Variants in ATP6V1H observed in about 807,000 individuals in gnomAD.
The protein encoded by ATP6V1H is ATPase H+ transporting V1 subunit H, also known as V-type proton ATPase subunit H.
ATP6V1H carries 39 observed loss-of-function variants against 71.7 expected under a neutral mutation model. The ratio of observed to expected loss-of-function variants is 0.54; its 90% CI spans 0.42 to 0.71. The LOEUF (loss-of-function observed/expected upper bound fraction) is 0.71, where lower values mean the gene tolerates loss of function less well. Ranked by LOEUF, ATP6V1H falls within the 30% of genes least tolerant of loss-of-function variation. The probability of loss-of-function intolerance (pLI) is 0.00; values close to 1 mark genes in which losing one functional copy is unlikely to be tolerated. For synonymous variants in ATP6V1H, 192 were observed against 199.3 expected (o/e 0.96, Z 0.31); for missense variants, 509 against 594.9 (o/e 0.86, Z 1.50).
chr8:53,755,915 G>T (rs1488569382), intron 12 of ATP6V1H, among the ~76,000 whole-genome samples: 4 of 133,592 alleles, frequency 3.0e-5, no homozygotes, highest in Non-Finnish European at 3.2e-5. Flanking sequence ...CCGCCACTAC[G>T]CCCGGCTAAT....
intron 9 of ATP6V1H, among the ~76,000 whole-genome samples, chr8:53,790,692 G>A (rs1809538673): frequency 6.6e-6 from 1 of 152,162 alleles, no homozygotes; most frequent in East Asian, 1.9e-4. Context: ...AGGCCTGAGT[G>A]CATACAGACT....
At chr8:53,781,555 T>C (rs897427197) in intron 9 of ATP6V1H, among the ~76,000 whole-genome samples, 1 of 152,356 alleles carries the variant, frequency 6.6e-6, no homozygotes, top group Non-Finnish European at 1.5e-5. Flanking sequence ...TTAGACACCA[T>C]TTGTCAATTT....
chr8:53,830,583 G>A (rs867290158), intron 3 of ATP6V1H, among the ~76,000 whole-genome samples: 19 of 151,946 alleles, frequency 1.3e-4, no homozygotes, highest in Admixed American at 2.6e-4. Flanking sequence ...AGTTGCCCAC[G>A]GTATTTCTGT....
chr8:53,769,789 G>T, intron 10 of ATP6V1H, 46 bp from the exon 11 acceptor site: 3 of 1,498,740 alleles, frequency 2.0e-6, no homozygotes, highest in Non-Finnish European at 2.7e-6. Context: ...GAATCTGACA[G>T]TACTCCAAAA....
intron 8 of ATP6V1H, among the ~76,000 whole-genome samples, chr8:53,798,640 CA>C: frequency 6.6e-6 from 1 of 150,664 alleles, no homozygotes; most frequent in Non-Finnish European, 1.5e-5. Flanking sequence ...CACACACACA[CA>C]AATTCAATGC....
chr8:53,772,299 ACT>A (rs1329448191), intron 9 of ATP6V1H, 132 bp from the exon 10 acceptor site: 1 of 686,912 alleles, frequency 1.5e-6, no homozygotes, highest in Non-Finnish European at 2.4e-6. Context: ...TAAGTGGATG[ACT>A]CTATCTCAAA....
intron 4 of ATP6V1H, among the ~76,000 whole-genome samples, chr8:53,828,046 T>C (rs767846394): frequency 3.9e-5 from 6 of 152,242 alleles, no homozygotes; most frequent in Admixed American, 6.5e-5. Context: ...TCTTTGCTAA[T>C]GTGAATGGCG....
intron 5 of ATP6V1H, among the ~76,000 whole-genome samples, 187 bp from the exon 6 acceptor site, chr8:53,814,953 A>G (rs1393688791): frequency 6.6e-6 from 1 of 152,224 alleles, no homozygotes; most frequent in Non-Finnish European, 1.5e-5. Context: ...ATATTTTTAA[A>G]TATTTCCATC....
At chr8:53,807,459 T>C (rs781392319) in intron 7 of ATP6V1H, among the ~76,000 whole-genome samples, 4 of 151,648 alleles carry the variant, frequency 2.6e-5, no homozygotes, top group Non-Finnish European at 5.9e-5. Context: ...AAAAACTAAG[T>C]CCTTTTTCCT....
chr8:53,726,794 T>C (rs1161769665), intron 13 of ATP6V1H, among the ~76,000 whole-genome samples: 2 of 152,162 alleles, frequency 1.3e-5, no homozygotes, highest in Non-Finnish European at 2.9e-5. Flanking sequence ...CTCCGCTCCC[T>C]CCTGCTATCT....
chr8:53,749,558 A>C (rs1807723169), intron 12 of ATP6V1H, among the ~76,000 whole-genome samples: 1 of 152,080 alleles, frequency 6.6e-6, no homozygotes, highest in Admixed American at 6.5e-5. Context: ...TTCCTGCTGG[A>C]GGTCTGGGGT....
At chr8:53,750,147 G>C (rs187262978) in intron 12 of ATP6V1H, among the ~76,000 whole-genome samples, 1 of 152,262 alleles carries the variant, frequency 6.6e-6, no homozygotes, top group Non-Finnish European at 1.5e-5. Flanking sequence ...TTATTTTTGT[G>C]TCATTGCATT....
At chr8:53,817,347 G>T in intron 5 of ATP6V1H, 70 bp downstream of exon 5, 1 of 1,060,138 alleles carries the variant, frequency 9.4e-7, no homozygotes, top group East Asian at 2.6e-5. Context: ...AGACCAGCCT[G>T]GACAACATAG....
chr8:53,784,419 G>A (rs1483151610), intron 9 of ATP6V1H, among the ~76,000 whole-genome samples: 1 of 151,964 alleles, frequency 6.6e-6, no homozygotes, highest in Non-Finnish European at 1.5e-5. Context: ...TTTATTTTGA[G>A]CCTATGTGTG....
intron 9 of ATP6V1H, among the ~76,000 whole-genome samples, chr8:53,783,932 T>C (rs1809264750): frequency 6.6e-6 from 1 of 152,256 alleles, no homozygotes; most frequent in African/African-American, 2.4e-5. Context: ...TCTGTTCTCT[T>C]ACATTTGCTA....
chr8:53,775,495 T>C (rs915080440), intron 9 of ATP6V1H, among the ~76,000 whole-genome samples: 4 of 152,212 alleles, frequency 2.6e-5, no homozygotes, highest in African/African-American at 9.6e-5. Flanking sequence ...ATCCCTGAGC[T>C]ACATACAAAG....
chr8:53,739,134 T>C (rs1215584859), intron 13 of ATP6V1H, among the ~76,000 whole-genome samples: 1 of 151,446 alleles, frequency 6.6e-6, no homozygotes, highest in Non-Finnish European at 1.5e-5. Context: ...TAGAAATTAA[T>C]TTAGAAATTA....
intron 13 of ATP6V1H, among the ~76,000 whole-genome samples, chr8:53,738,296 C>CAA (rs59924832): frequency 0.11 from 11,013 of 100,592 alleles, 1,470 homozygotes; most frequent in African/African-American, 0.3. Context: ...GACTCTGCCT[C>CAA]AAAAAAAAAA....
At chr8:53,778,191 T>A (rs542070717) in intron 9 of ATP6V1H, among the ~76,000 whole-genome samples, 2 of 152,184 alleles carry the variant, frequency 1.3e-5, no homozygotes, top group Non-Finnish European at 2.9e-5. Flanking sequence ...TTATGATAGT[T>A]TTTAAAAATT....
Sources: allele counts gnomAD v4.1 joint callset (sites outside exome capture counted in the v4.1 genomes callset), GRCh38; gene constraint gnomAD v4.1.1; transcripts MANE v1.5; gene names NCBI Gene and HGNC (gene_info 2026-07-23, HGNC 2026-07-21).